CADPS2: variants seen among roughly 807,000 people sequenced by gnomAD.
CADPS2 encodes calcium-dependent secretion activator 2.
In CADPS2, 93 loss-of-function variants were observed where a neutral mutation model predicts 172.5. The observed-to-expected ratio is 0.54, with a 90% CI of 0.46 to 0.64. The LOEUF is 0.64. Among genes scored for constraint, CADPS2 ranks in the 30% least tolerant of loss-of-function variants. The probability of loss-of-function intolerance (pLI) is 0.00; values close to 1 mark genes in which losing one functional copy is unlikely to be tolerated. For missense variants in CADPS2, 1,420 were observed against 1,565.9 expected (o/e 0.91, Z 1.57); for synonymous variants, 546 against 555.2 (o/e 0.98, Z 0.23).
chr7:122,426,652 C>T (rs563103047), intron 17 of CADPS2, among the ~76,000 whole-genome samples: 39 of 152,254 alleles, frequency 2.6e-4, no homozygotes, highest in South Asian at 1.0e-3. Flanking sequence ...TAGTTTTGTA[C>T]AATTGGAAAA....
At chr7:122,349,509 A>G (rs2038206129) in intron 27 of CADPS2, among the ~76,000 whole-genome samples, 1 of 152,202 alleles carries the variant, frequency 6.6e-6, no homozygotes, top group African/African-American at 2.4e-5. Flanking sequence ...CATTCAGAAA[A>G]TAATAGAATC....
Position 122,471,486 on chromosome 7 carries a change from TGTCTGTGACAGCCTCTCACACCA to T in CADPS2, c.2052_2074del (p.Tyr684Ter). 6.2e-7 allele frequency: 1 copy of T among 1,613,142 alleles called. No homozygotes were observed. Among genetic ancestry groups the T allele is most frequent in the Non-Finnish European group, 8.5e-7 (1 of 1,179,544 alleles). ...CATCAGTTCTGCAAGGTAGCAGAGA[TGTCTGTGACAGCCTCTCACACCA>T]TAACGGGCACAGTACTCATCTAACA... On this transcript the variant is annotated stop_gained and frameshift_variant, in exon 14 of 30. Transcript: ENST00000449022. LOFTEE classifies it high-confidence loss of function.
chr7:122,878,261 G>A (rs543613428), intron 1 of CADPS2, among the ~76,000 whole-genome samples: 1,227 of 113,102 alleles, frequency 0.011, no homozygotes, highest in Middle Eastern at 0.018. Context: ...TCCGTCTCAA[G>A]AAAAAAAAAA....
chr7:122,882,110 T>C (rs1287505581), intron 1 of CADPS2, among the ~76,000 whole-genome samples: 1 of 152,160 alleles, frequency 6.6e-6, no homozygotes, highest in Non-Finnish European at 1.5e-5. Flanking sequence ...TGGAGGTATA[T>C]TATTTCACCC....
At chr7:122,326,479 T>A (rs2033898190) in intron 28 of CADPS2, among the ~76,000 whole-genome samples, 1 of 152,084 alleles carries the variant, frequency 6.6e-6, no homozygotes, top group African/African-American at 2.4e-5. Context: ...CAGAGCTAGG[T>A]TTAGATAACA....
intron 9 of CADPS2, among the ~76,000 whole-genome samples, chr7:122,507,103 G>A (rs11983436): frequency 0.031 from 4,763 of 152,052 alleles, 232 homozygotes; most frequent in African/African-American, 0.11. Flanking sequence ...ACATATAAAT[G>A]TAAAAAAAAT....
chr7:122,811,765 T>G (rs1363150195), intron 1 of CADPS2, among the ~76,000 whole-genome samples: 1 of 152,222 alleles, frequency 6.6e-6, no homozygotes, highest in Non-Finnish European at 1.5e-5. Flanking sequence ...CATAGTTACC[T>G]AAGTACGTCA....
rs1043199090 is a variant in CADPS2 at position 122,704,719 on chromosome 7, G to C, written c.453+32236C>G. ...TAGAACTGCCCTCTCTTCTGCCCTC[G>C]TCTTACAACAAAATAGACCTATAAG... On this transcript the variant is annotated intron_variant, in intron 2 of 29. Coordinates refer to ENST00000449022, the MANE Select transcript of CADPS2 (RefSeq NM_017954.11). Among the ~76,000 whole-genome samples the C allele has an allele frequency of 4.6e-5, 7 of 151,810 alleles. No individual in the cohort carries two copies. In the South Asian group the frequency reaches 6.2e-4, roughly 14 times the overall value.
chr7:122,670,183 T>C (rs191433895), intron 2 of CADPS2, among the ~76,000 whole-genome samples: 5 of 151,924 alleles, frequency 3.3e-5, no homozygotes, highest in Non-Finnish European at 5.9e-5. Context: ...TTGGCATATA[T>C]ATATATAAAC....
chr7:122,584,427 C>T (rs922273564), intron 6 of CADPS2, among the ~76,000 whole-genome samples: 3 of 151,900 alleles, frequency 2.0e-5, no homozygotes, highest in Non-Finnish European at 2.9e-5. Flanking sequence ...CTTATAGCAT[C>T]TGTTATGTCC....
chr7:122,710,731 T>C (rs1434046422), intron 2 of CADPS2, among the ~76,000 whole-genome samples: 2 of 152,128 alleles, frequency 1.3e-5, no homozygotes, highest in African/African-American at 2.4e-5. Context: ...GTGATCTCCC[T>C]AGCCAAAACC....
intron 7 of CADPS2, among the ~76,000 whole-genome samples, chr7:122,558,723 T>G (rs988063816): frequency 2.8e-4 from 42 of 152,268 alleles, no homozygotes; most frequent in Non-Finnish European, 5.3e-4. Flanking sequence ...TAGAGTGATA[T>G]GGGGTTCAGA....
intron 7 of CADPS2, among the ~76,000 whole-genome samples, chr7:122,557,995 C>T (rs147451741): frequency 3.3e-5 from 5 of 152,030 alleles, no homozygotes; most frequent in East Asian, 1.9e-4. Flanking sequence ...ACCTAGGAAA[C>T]GAAAGAAATC....
intron 24 of CADPS2, among the ~76,000 whole-genome samples, chr7:122,386,588 T>G (rs2151427627): frequency 6.6e-6 from 1 of 152,154 alleles, no homozygotes; most frequent in Non-Finnish European, 1.5e-5. Context: ...CCTAGATTTT[T>G]AAGTCTATTT....
intron 16 of CADPS2, among the ~76,000 whole-genome samples, chr7:122,441,223 A>G (rs945116274): frequency 6.6e-6 from 1 of 152,072 alleles, no homozygotes; most frequent in Non-Finnish European, 1.5e-5. Flanking sequence ...TTCTTAACTG[A>G]AAAAAAAGTA....
chr7:122,638,541 G>C (rs2077293426), intron 3 of CADPS2, among the ~76,000 whole-genome samples: 1 of 152,208 alleles, frequency 6.6e-6, no homozygotes, highest in Non-Finnish European at 1.5e-5. Flanking sequence ...GCTTCTGTCA[G>C]GGCCATGGCA....
At chr7:122,702,296 G>A (rs201395313) in intron 2 of CADPS2, 50 of 1,613,670 alleles carry the variant, frequency 3.1e-5, no homozygotes, top group African/African-American at 5.3e-5. Context: ...TATCATCACC[G>A]CGACTATATT....
chr7:122,470,530 T>C (rs2055785790), intron 14 of CADPS2, among the ~76,000 whole-genome samples: 1 of 152,126 alleles, frequency 6.6e-6, no homozygotes, highest in Non-Finnish European at 1.5e-5. Flanking sequence ...GAGCCTGTTC[T>C]GTTACCTAGG....
intron 1 of CADPS2, among the ~76,000 whole-genome samples, chr7:122,783,837 T>C (rs900487921): frequency 2.6e-5 from 4 of 152,228 alleles, no homozygotes; most frequent in Non-Finnish European, 5.9e-5. Context: ...CGCCTTCCTT[T>C]GTACCAACTT....
Sources: allele counts gnomAD v4.1 joint callset (sites outside exome capture counted in the v4.1 genomes callset), GRCh38; gene constraint gnomAD v4.1.1; transcripts MANE v1.5; gene names NCBI Gene and HGNC (gene_info 2026-07-23, HGNC 2026-07-21).